RSRC1: variants seen among roughly 807,000 people sequenced by gnomAD.
RSRC1 encodes arginine and serine rich coiled-coil 1.
A neutral mutation model predicts 49.1 loss-of-function variants in RSRC1; 39 were observed. That is an observed-to-expected ratio of 0.79 (90% CI 0.61 to 1.04). RSRC1 has a LOEUF of 1.04. RSRC1 is among the 50% of genes least tolerant of loss of function. The pLI, the probability that RSRC1 is intolerant of heterozygous loss-of-function variation, is 0.00. For missense variants in RSRC1, 388 were observed against 402.4 expected (o/e 0.96, Z 0.31); for synonymous variants, 143 against 130.8 (o/e 1.09, Z -0.63).
intron 3 of RSRC1, among the ~76,000 whole-genome samples, chr3:158,137,655 CTTTTTTT>C (rs11388972): frequency 7.2e-6 from 1 of 138,522 alleles, no homozygotes; most frequent in Non-Finnish European, 1.5e-5. Context: ...TTTTCTTTTT[CTTTTTTT>C]TTTTTTTTGA....
At chr3:158,530,917 A>T (rs1279687046) in intron 7 of RSRC1, among the ~76,000 whole-genome samples, 2 of 142,790 alleles carry the variant, frequency 1.4e-5, no homozygotes, top group African/African-American at 5.4e-5. Context: ...AATAAATAAA[A>T]AAAAAAAGAA....
chr3:158,317,099 C>T (rs1341953516), intron 5 of RSRC1, among the ~76,000 whole-genome samples: 1 of 152,202 alleles, frequency 6.6e-6, no homozygotes, highest in Admixed American at 6.5e-5. Flanking sequence ...TAAAAGCAAA[C>T]CCTAGCATTT....
intron 4 of RSRC1, among the ~76,000 whole-genome samples, chr3:158,296,465 A>G (rs1303983932): frequency 1.3e-5 from 2 of 152,014 alleles, no homozygotes; most frequent in African/African-American, 2.4e-5. Flanking sequence ...ATGTGCACAC[A>G]TACATATATG....
chr3:158,513,331 G>A (rs1347871507), intron 7 of RSRC1, among the ~76,000 whole-genome samples: 1 of 152,232 alleles, frequency 6.6e-6, no homozygotes, highest in Middle Eastern at 3.4e-3. Context: ...ATGAAGGGTT[G>A]TTGAATTTTG....
At chr3:158,233,275 A>G (rs1173252448) in intron 4 of RSRC1, among the ~76,000 whole-genome samples, 2 of 152,098 alleles carry the variant, frequency 1.3e-5, no homozygotes, top group African/African-American at 4.8e-5. Context: ...AGCCGTCTAT[A>G]TTTTCCTGAA....
chr3:158,184,983 C>T (rs1162409326), intron 3 of RSRC1, among the ~76,000 whole-genome samples: 1 of 151,116 alleles, frequency 6.6e-6, no homozygotes, highest in African/African-American at 2.4e-5. Context: ...TTACAAAGCA[C>T]ATAGTTTTCG....
intron 3 of RSRC1, among the ~76,000 whole-genome samples, chr3:158,159,776 C>G (rs1195436527): frequency 6.6e-6 from 1 of 152,050 alleles, no homozygotes; most frequent in East Asian, 1.9e-4. Context: ...TTGAGCCTCA[C>G]CTCAGTCTAT....
At chr3:158,273,229 A>G (rs1725620360) in intron 4 of RSRC1, among the ~76,000 whole-genome samples, 1 of 152,048 alleles carries the variant, frequency 6.6e-6, no homozygotes, top group Admixed American at 6.6e-5. Flanking sequence ...TTATTATTGG[A>G]GGGTTAATAT....
At chr3:158,207,037 A>C (rs939699455) in intron 4 of RSRC1, among the ~76,000 whole-genome samples, 2 of 152,196 alleles carry the variant, frequency 1.3e-5, no homozygotes, top group East Asian at 3.9e-4. Flanking sequence ...TTATTATCCT[A>C]TTAATATAGA....
At chr3:158,255,324 C>A (rs1262407634) in intron 4 of RSRC1, among the ~76,000 whole-genome samples, 1 of 152,180 alleles carries the variant, frequency 6.6e-6, no homozygotes, top group Non-Finnish European at 1.5e-5. Context: ...AATAGGGAAT[C>A]CTTTCCCCAT....
chr3:158,202,548 G>A (rs1364700774), intron 3 of RSRC1, among the ~76,000 whole-genome samples: 2 of 46,050 alleles, frequency 4.3e-5, no homozygotes, highest in Admixed American at 2.3e-4. Context: ...CTGTAGGGTT[G>A]TCAGTCTGGT....
At chr3:158,430,568 T>C (rs1337572166) in intron 6 of RSRC1, among the ~76,000 whole-genome samples, 1 of 151,924 alleles carries the variant, frequency 6.6e-6, no homozygotes, top group Non-Finnish European at 1.5e-5. Context: ...AAGAAAATTC[T>C]GCGTATGTTT....
intron 4 of RSRC1, chr3:158,276,039 T>C (rs1725788802): frequency 1.2e-6 from 1 of 852,220 alleles, no homozygotes; most frequent in Non-Finnish European, 2.0e-6. Context: ...CCTCAAAAAA[T>C]TTCTATGTGG....
At chr3:158,229,207 T>TGTATACACACATACACGTATATGTGTATA (rs1722762267) in intron 4 of RSRC1, among the ~76,000 whole-genome samples, 2 of 28,418 alleles carry the variant, frequency 7.0e-5, no homozygotes, top group Non-Finnish European at 1.6e-4. Context: ...TATGTGTATA[T>TGTATACACACATACACGTATATGTGTATA]ATGTATACAC....
At chr3:158,241,772 T>A (rs1377762322) in intron 4 of RSRC1, among the ~76,000 whole-genome samples, 1 of 151,972 alleles carries the variant, frequency 6.6e-6, no homozygotes, top group Non-Finnish European at 1.5e-5. Context: ...TTAATCCCTC[T>A]TTTTAAAAAG....
Position 158,514,156 on chromosome 3 carries a change from T to A in RSRC1, c.653-22936T>A, listed in dbSNP as rs543873549. Among the ~76,000 whole-genome samples, 10 of 152,354 alleles carry A rather than the reference T, an allele frequency of 6.6e-5. No homozygotes were observed. In the East Asian group the frequency reaches 1.9e-3, roughly 29 times the overall value. ...ATTTTAGTTATTTCTTGCCTTCTGC[T>A]AGCTTTTGAATGTGTTTCCTCTTGC... On this transcript the variant is annotated intron_variant, in intron 7 of 9. Transcript: ENST00000611884.
At chr3:158,245,004 G>GTT (rs3052859) in intron 4 of RSRC1, among the ~76,000 whole-genome samples, 68,038 of 128,450 alleles carry the variant, frequency 0.53, 18,732 homozygotes, top group East Asian at 0.72. Flanking sequence ...TTTTTCAAAG[G>GTT]TTTTTTTTTT....
chr3:158,179,494 A>G (rs1177190985), intron 3 of RSRC1, among the ~76,000 whole-genome samples: 1 of 152,172 alleles, frequency 6.6e-6, no homozygotes. Flanking sequence ...ATGGAATTGT[A>G]TAGTATGTAA....
At chr3:158,497,396 C>A (rs961844115) in intron 7 of RSRC1, among the ~76,000 whole-genome samples, 1 of 141,946 alleles carries the variant, frequency 7.0e-6, no homozygotes, top group African/African-American at 2.6e-5. Flanking sequence ...CTATCCCTTG[C>A]CCCCCTCCCA....
Sources: gnomAD v4.1 joint callset for allele counts (sites outside exome capture counted in the v4.1 genomes callset) on GRCh38, gnomAD v4.1.1 for gene constraint, MANE v1.5 for transcripts, NCBI Gene and HGNC (gene_info 2026-07-23, HGNC 2026-07-21) for gene names.